The following NTRK1 variants were observed in gnomAD, a reference collection of about 807,000 sequenced individuals.
NTRK1 encodes neurotrophic receptor tyrosine kinase 1.
NTRK1 carries 62 observed loss-of-function variants against 86.8 expected under a neutral mutation model. That is an observed-to-expected ratio of 0.71 (90% confidence interval 0.58 to 0.88). The LOEUF (loss-of-function observed/expected upper bound fraction) is 0.88. NTRK1 is among the 40% of genes least tolerant of loss of function. The pLI is 0.00. For missense variants in NTRK1, 967 were observed against 1,078.4 expected (o/e 0.90, Z 1.45); for synonymous variants, 469 against 456.6 (o/e 1.03, Z -0.35).
At chr1:156,837,258 A>T (rs756242185) in intron 1 of NTRK1, 2 of 152,374 alleles carry the variant, frequency 1.3e-5, no homozygotes, top group Non-Finnish European at 2.9e-5. Flanking sequence ...AGGGCTCCCC[A>T]AGCACCCTTC....
rs117439365 is a variant in NTRK1 at position 156,868,298 on chromosome 1, T to C, written c.574+49T>C. On this transcript the variant is annotated intron_variant, in intron 5 of 16. Transcript: ENST00000524377. ...GTGTAAGGGGGCTGGGGAAGAGACCTACCTGCCTGAGGGAGAGGGCACTGA... is the reference window on the plus strand; with the variant it reads ...GTGTAAGGGGGCTGGGGAAGAGACCCACCTGCCTGAGGGAGAGGGCACTGA... 1.7e-4 allele frequency: 276 copies of C among 1,596,868 alleles called. 5 individuals are homozygous for C. In the East Asian group the frequency reaches 4.8e-3, roughly 28 times the overall value.
Position 156,823,299 on chromosome 1 carries a change from C to T in NTRK1, c.-64+7461C>T, listed in dbSNP as rs543451995. ...ATCCAGTTCAGTTTCAAGCTCCATCCTGGAGGAGAAGGCTCCAACTCCACA... is the reference window on the plus strand; with the variant it reads ...ATCCAGTTCAGTTTCAAGCTCCATCTTGGAGGAGAAGGCTCCAACTCCACA... On this transcript the variant is annotated intron_variant, in intron 1 of 16. Transcript: ENST00000392302. Among the ~76,000 whole-genome samples the T allele has an allele frequency of 3.3e-5, 5 of 152,338 alleles. No individual in the cohort carries two copies. In the East Asian group the frequency reaches 7.7e-4, roughly 23 times the overall value.
chr1:156,822,111 A>G (rs1558074112), intron 1 of NTRK1, among the ~76,000 whole-genome samples: 1 of 152,174 alleles, frequency 6.6e-6, no homozygotes, highest in Non-Finnish European at 1.5e-5. Context: ...TTGGAAATAA[A>G]GAGTCAATTA....
chr1:156,861,463 A>G (rs535774371), intron 1 of NTRK1, among the ~76,000 whole-genome samples: 65 of 152,358 alleles, frequency 4.3e-4, no homozygotes, highest in Middle Eastern at 3.4e-3. Context: ...GAGCTCAGCC[A>G]GAAGCCCCTG....
In NTRK1 at chr1:156,854,111, C is replaced by T. The variant is rs1336967943; in HGVS notation, c.51-10243C>T. 3.1e-6 allele frequency: 5 copies of T among 1,614,146 alleles called. No individual in the cohort carries two copies. In the Middle Eastern group the frequency reaches 4.9e-4, roughly 160 times the overall value. ...TAGGTTGGGGAAGAGGTCGCGCAGG[C>T]TCTCCAGTCCGTAGACACGGAAGAG... On this transcript the variant is annotated intron_variant, in intron 2 of 16. Coordinates refer to the NTRK1 transcript ENST00000392302. The surrounding 1 kb of genome is among the most constrained non-coding windows in gnomAD (Gnocchi z 4.2).
chr1:156,874,541 G>T (rs1464954001), intron 9 of NTRK1, 30 bp from the exon 10 acceptor site: 3 of 1,612,988 alleles, frequency 1.9e-6, no homozygotes, highest in African/African-American at 1.3e-5. Flanking sequence ...GTGTGTCAAG[G>T]CTCACCCCTC....
intron 1 of NTRK1, among the ~76,000 whole-genome samples, chr1:156,838,283 C>T (rs1170375192): frequency 6.6e-6 from 1 of 152,078 alleles, no homozygotes. Flanking sequence ...GGGTGGAAGA[C>T]CTGCCACAAG....
chr1:156,846,518 C>A (rs762149048), intron 2 of NTRK1: 1 of 1,612,516 alleles, frequency 6.2e-7, no homozygotes, highest in African/African-American at 1.3e-5. Flanking sequence ...CAAATGCCTA[C>A]CTGCAGGCAG....
rs755800478 is a variant in NTRK1 at position 156,867,027 on chromosome 1, T to A, written c.428+49T>A. On this transcript the variant is annotated intron_variant, in intron 4 of 16. Transcript: ENST00000524377. ...CAAGAGCACCAAGTGTGTGTGTGCC[T>A]GTGTGCACTTGGGTCTGTTGGATGA... 9.5e-6 allele frequency: 15 copies of A among 1,578,914 alleles called. No individual in the cohort carries two copies. The South Asian group carries it at 1.4e-4, about 15-fold the overall frequency.
At position 156,879,274 on chromosome 1, in the gene NTRK1, C is replaced by T. The variant is rs1319574534; in HGVS notation, c.1958C>T (p.Thr653Ile). The T allele has an allele frequency of 1.2e-6, 2 of 1,613,934 alleles. No individual in the cohort carries two copies. Among genetic ancestry groups the T allele is most frequent in the Non-Finnish European group, 1.7e-6 (2 of 1,180,040 alleles). Reference sequence around the variant, plus strand: ...CATTTTGTGCACCGGGACCTGGCCACACGCAACTGTCTAGTGGGCCAGGGA... The same window carrying T: ...CATTTTGTGCACCGGGACCTGGCCATACGCAACTGTCTAGTGGGCCAGGGA... ...GLHFVHRDLA[T>I]RNCLVGQGLV... Residue 653 changes from threonine to isoleucine, a missense_variant, in exon 15 of 17, where the codon ACA becomes ATA. By Grantham distance (89) the Thr-to-Ile change is moderately conservative (BLOSUM62 -1). Around this residue, in one of 2 missense-constraint regions of NTRK1, gnomAD observed 637 missense variants for 776.5 expected, o/e 0.82. Transcript: ENST00000524377.
chr1:156,859,294 G>A (rs986881485), upstream of NTRK1, among the ~76,000 whole-genome samples: 1 of 152,174 alleles, frequency 6.6e-6, no homozygotes, highest in African/African-American at 2.4e-5. This position sits in a 1 kb window ranked among gnomAD's most constrained non-coding sequence, Gnocchi z 6.2. Context: ...TACGGGGGGA[G>A]GGTGGGCCAA....
intron 1 of NTRK1, among the ~76,000 whole-genome samples, chr1:156,863,382 A>C (rs1571683991): frequency 6.7e-6 from 1 of 148,160 alleles, no homozygotes; most frequent in Non-Finnish European, 1.5e-5. Context: ...GTCTGCCCCC[A>C]CCCTCCTCGT....
At chr1:156,860,689 A>T (rs1655593839), upstream of NTRK1, 4 of 597,144 alleles carry the variant, frequency 6.7e-6, no homozygotes, top group Non-Finnish European at 1.0e-5. Flanking sequence ...GCTGAGGCGG[A>T]TCCTCGGGGA....
Position 156,864,756 on chromosome 1 carries a change from G to A in NTRK1, c.316G>A (p.Val106Met), listed in dbSNP as rs763164402. 16 of 1,613,972 alleles carry A rather than the reference G, an allele frequency of 9.9e-6. No individual in the cohort carries two copies. Among genetic ancestry groups the A allele is most frequent in the South Asian group, 4.4e-5 (4 of 91,058 alleles). The change falls in exon 3 of 17, where the codon GTG becomes ATG. Residue 106 changes from valine (V) to methionine (M), a missense_variant. Coordinates refer to ENST00000524377, the MANE Select transcript of NTRK1 (RefSeq NM_002529.4). ...LTIVKSGLRF[V>M]APDAFHFTPR... ...CATCGTGAAGAGTGGTCTCCGTTTCGTGGCGCCAGATGCCTTCCATTTCAC... is the reference window on the plus strand; with the variant it reads ...CATCGTGAAGAGTGGTCTCCGTTTCATGGCGCCAGATGCCTTCCATTTCAC...
intron 7 of NTRK1, among the ~76,000 whole-genome samples, chr1:156,872,238 T>C (rs76481164): frequency 0.022 from 3,418 of 152,258 alleles, 139 homozygotes; most frequent in African/African-American, 0.077. Flanking sequence ...AAAAAATATA[T>C]ATATTTTAAA....
chr1:156,848,148 G>A (rs555854518), intron 2 of NTRK1, among the ~76,000 whole-genome samples: 1 of 152,080 alleles, frequency 6.6e-6, no homozygotes, highest in Non-Finnish European at 1.5e-5. Flanking sequence ...CTGAGACCTA[G>A]GAGGGTCTCG....
chr1:156,841,727 G>C, intron 1 of NTRK1: 2 of 1,614,126 alleles, frequency 1.2e-6, no homozygotes, highest in South Asian at 2.2e-5. Flanking sequence ...TCCAGCGCAC[G>C]GGCAGCAGCC....
intron 1 of NTRK1, among the ~76,000 whole-genome samples, chr1:156,824,628 T>G (rs1207002710): frequency 2.0e-5 from 3 of 152,234 alleles, no homozygotes; most frequent in Non-Finnish European, 2.9e-5. Context: ...GGTCAGGCAC[T>G]TAGTCTCTGC....
At chr1:156,848,777 G>A in intron 2 of NTRK1, 1 of 928,126 alleles carries the variant, frequency 1.1e-6, no homozygotes, top group Non-Finnish European at 1.6e-6. Context: ...CCAGACCTGG[G>A]CCCTACCACG....
Sources: allele counts gnomAD v4.1 joint callset (sites outside exome capture counted in the v4.1 genomes callset), GRCh38; gene constraint gnomAD v4.1.1; regional missense constraint gnomAD v4.1.1; non-coding constraint Gnocchi (gnomAD v3.1); transcripts MANE v1.5; gene names NCBI Gene and HGNC (gene_info 2026-07-23, HGNC 2026-07-21).